Variants in CSMD1 observed in about 807,000 individuals in gnomAD.
CSMD1 encodes CUB and sushi domain-containing protein 1.
In CSMD1, 213 loss-of-function variants were observed where a neutral mutation model predicts 417.5. The ratio of observed to expected loss-of-function variants is 0.51; its 90% CI spans 0.46 to 0.57. CSMD1 has a LOEUF of 0.57. CSMD1 is among the 20% of genes least tolerant of loss of function. The probability of loss-of-function intolerance (pLI) is 0.00; values close to 1 mark genes in which losing one functional copy is unlikely to be tolerated. For missense variants in CSMD1, 6,923 were observed against 4,529.7 expected, an observed-to-expected ratio of 1.53 and a Z score of -15.17; for synonymous variants, 2,862 against 1,736.8, an observed-to-expected ratio of 1.65 and a Z score of -16.11.
chr8:3,320,291 C>T (rs890046227), intron 23 of CSMD1, among the ~76,000 whole-genome samples: 1 of 152,088 alleles, frequency 6.6e-6, no homozygotes, highest in African/African-American at 2.4e-5. Flanking sequence ...AAATTCTGTC[C>T]CGGACTCAGC....
intron 1 of CSMD1, among the ~76,000 whole-genome samples, chr8:4,857,712 A>G (rs1465239594): frequency 1.3e-5 from 2 of 152,082 alleles, no homozygotes; most frequent in African/African-American, 4.8e-5. Flanking sequence ...AGACTAAACC[A>G]GGAAGAAGTT....
At chr8:4,527,480 T>C (rs1319218487) in intron 2 of CSMD1, among the ~76,000 whole-genome samples, 1 of 152,222 alleles carries the variant, frequency 6.6e-6, no homozygotes, top group Non-Finnish European at 1.5e-5. Flanking sequence ...TGGTGAGTTG[T>C]CAGTGTCAAG....
chr8:3,703,126 T>G (rs139365845), intron 7 of CSMD1, among the ~76,000 whole-genome samples: 2 of 152,338 alleles, frequency 1.3e-5, no homozygotes, highest in East Asian at 3.9e-4. Context: ...CTTCAAACAT[T>G]ACTGATTACA....
intron 6 of CSMD1, among the ~76,000 whole-genome samples, chr8:3,728,068 A>T (rs1317534000): frequency 6.6e-6 from 1 of 152,148 alleles, no homozygotes; most frequent in Non-Finnish European, 1.5e-5. Context: ...TTTGGCTATG[A>T]CAGTGTCCGC....
At chr8:3,772,763 A>T (rs1798687686) in intron 5 of CSMD1, among the ~76,000 whole-genome samples, 3 of 151,648 alleles carry the variant, frequency 2.0e-5, no homozygotes, top group African/African-American at 7.3e-5. Context: ...GCAAATATTG[A>T]ACGAATGTCT....
Position 3,592,345 on chromosome 8 carries a change from A to C in CSMD1, c.1098-6085T>G, listed in dbSNP as rs192822310. Among the ~76,000 whole-genome samples the C allele has an allele frequency of 3.9e-5, 6 of 152,306 alleles. No individual in the cohort carries two copies. The East Asian group carries it at 1.2e-3, about 29-fold the overall frequency. ...ATAAAAGGAATATATATATATTATT[A>C]GGTATCGAAGGTAGGCATTTAAACA... On this transcript the variant is annotated intron_variant, in intron 8 of 69. Transcript: ENST00000635120.
At chr8:4,643,485 G>A (rs1011730845) in intron 1 of CSMD1, among the ~76,000 whole-genome samples, 4 of 151,964 alleles carry the variant, frequency 2.6e-5, no homozygotes, top group African/African-American at 4.8e-5. Flanking sequence ...CCTACTGGAC[G>A]TAGCTATCAA....
intron 2 of CSMD1, among the ~76,000 whole-genome samples, chr8:4,507,316 G>A (rs1386368285): frequency 2.6e-5 from 4 of 152,110 alleles, no homozygotes; most frequent in Non-Finnish European, 2.9e-5. Flanking sequence ...CCTTGTAAAA[G>A]AATAATTGTT....
intron 3 of CSMD1, among the ~76,000 whole-genome samples, chr8:4,236,036 TTTG>T (rs1242701623): frequency 2.5e-4 from 2 of 7,844 alleles, no homozygotes; most frequent in African/African-American, 3.9e-4. Flanking sequence ...GTTTTTTTTG[TTTG>T]TTTTTTTTTT....
chr8:4,792,595 T>C (rs1011199428), intron 1 of CSMD1, among the ~76,000 whole-genome samples: 1 of 152,160 alleles, frequency 6.6e-6, no homozygotes, highest in African/African-American at 2.4e-5. Flanking sequence ...CAAGAAACTG[T>C]TGAATAGAGT....
intron 3 of CSMD1, among the ~76,000 whole-genome samples, chr8:4,214,094 T>C (rs1202977873): frequency 6.6e-6 from 1 of 152,074 alleles, no homozygotes; most frequent in African/African-American, 2.4e-5. Flanking sequence ...AGCATCTTAC[T>C]CCCTCAATTT....
At chr8:4,588,205 G>A (rs2130722169) in intron 2 of CSMD1, among the ~76,000 whole-genome samples, 1 of 152,070 alleles carries the variant, frequency 6.6e-6, no homozygotes, top group East Asian at 2.0e-4. Flanking sequence ...TTTAAATAGA[G>A]AAGAAATATA....
At chr8:4,434,581 A>C (rs187688822) in intron 2 of CSMD1, among the ~76,000 whole-genome samples, 26 of 152,348 alleles carry the variant, frequency 1.7e-4, no homozygotes, top group Admixed American at 1.2e-3. Flanking sequence ...GAGGAAGTTC[A>C]TGTTACAGTC....
At chr8:4,806,455 G>GCTTCCCTCCCTC (rs1254082775) in intron 1 of CSMD1, among the ~76,000 whole-genome samples, 1 of 152,156 alleles carries the variant, frequency 6.6e-6, no homozygotes, top group Admixed American at 6.5e-5. Flanking sequence ...CACCCTGCCT[G>GCTTCCCTCCCTC]CTTCCCACGC....
chr8:3,753,240 G>A (rs144687096), intron 6 of CSMD1, among the ~76,000 whole-genome samples: 1,836 of 152,276 alleles, frequency 0.012, 19 homozygotes, highest in Non-Finnish European at 0.017. Flanking sequence ...TTTTAATTTG[G>A]AAATCGAAGT....
At chr8:3,517,033 T>G (rs1233650969) in intron 10 of CSMD1, among the ~76,000 whole-genome samples, 1 of 152,118 alleles carries the variant, frequency 6.6e-6, no homozygotes, top group Non-Finnish European at 1.5e-5. Context: ...AAGGAGCTGG[T>G]GTGGTGTCAG....
At chr8:4,422,653 C>T (rs1262723583) in intron 2 of CSMD1, among the ~76,000 whole-genome samples, 2 of 151,970 alleles carry the variant, frequency 1.3e-5, no homozygotes, top group African/African-American at 4.8e-5. Context: ...ATTTCTTAAT[C>T]CCTGGAACTT....
At chr8:4,963,262 G>A (rs1379423413) in intron 1 of CSMD1, among the ~76,000 whole-genome samples, 2 of 152,134 alleles carry the variant, frequency 1.3e-5, no homozygotes, top group Admixed American at 6.6e-5. Context: ...GTGCAGTGGT[G>A]CAATCTTGAC....
chr8:3,251,287 G>C (rs973984357), intron 26 of CSMD1, among the ~76,000 whole-genome samples: 1 of 151,994 alleles, frequency 6.6e-6, no homozygotes, highest in Non-Finnish European at 1.5e-5. Context: ...CATATGGCTA[G>C]CCAGTTTTCC....
Sources: gnomAD v4.1 joint callset for allele counts (sites outside exome capture counted in the v4.1 genomes callset) on GRCh38, gnomAD v4.1.1 for gene constraint, MANE v1.5 for transcripts, NCBI Gene and HGNC (gene_info 2026-07-23, HGNC 2026-07-21) for gene names.